ACSM5: variants seen among roughly 807,000 people sequenced by gnomAD.
ACSM5 encodes acyl-CoA synthetase medium chain family member 5.
A neutral mutation model predicts 71.6 loss-of-function variants in ACSM5; 56 were observed. The observed-to-expected ratio is 0.78, with a 90% CI of 0.63 to 0.98. The LOEUF (loss-of-function observed/expected upper bound fraction) is 0.98, where lower values mean the gene tolerates loss of function less well. ACSM5 is among the 50% of genes least tolerant of loss of function. The pLI, the probability that ACSM5 is intolerant of heterozygous loss-of-function variation, is 0.00. For synonymous variants in ACSM5, 285 were observed against 281.5 expected (o/e 1.01, Z -0.12); for missense variants, 723 against 726.0 (o/e 1.00, Z 0.05).
intron 5 of ACSM5, among the ~76,000 whole-genome samples, chr16:20,422,403 C>T (rs1966897331): frequency 6.6e-6 from 1 of 152,208 alleles, no homozygotes; most frequent in South Asian, 2.1e-4. Context: ...AGCCACTGCA[C>T]CTGGCCTCGA....
intron 10 of ACSM5, among the ~76,000 whole-genome samples, chr16:20,434,828 T>C (rs1967162909): frequency 1.3e-5 from 2 of 152,214 alleles, no homozygotes; most frequent in African/African-American, 4.8e-5. Context: ...TTACCATAAG[T>C]CTTCACATGT....
At chr16:20,416,154 C>T (rs1046396140) in intron 2 of ACSM5, among the ~76,000 whole-genome samples, 6 of 151,846 alleles carry the variant, frequency 4.0e-5, no homozygotes, top group African/African-American at 1.5e-4. Flanking sequence ...GATGAAAATA[C>T]ACCCCAAATT....
At position 20,441,292 on chromosome 16, in the gene ACSM5, A is replaced by G. The variant is rs1168559045; in HGVS notation, c.*865A>G. The G allele has an allele frequency of 6.6e-6, 1 of 152,202 alleles. No homozygotes were observed. Among genetic ancestry groups the G allele is most frequent in the Non-Finnish European group, 1.5e-5 (1 of 68,048 alleles). The allele number at this position is 152,202 out of a possible 1,614,324, so 9.4% of individuals were successfully genotyped here. ...CTGTATTTTCCAAGTTTTTGTACGAAGCACATACAACTATTTTAATGAAAA... is the reference window on the plus strand; with the variant it reads ...CTGTATTTTCCAAGTTTTTGTACGAGGCACATACAACTATTTTAATGAAAA... On this transcript the variant is annotated 3_prime_UTR_variant, in exon 14 of 14. Coordinates refer to ENST00000331849, the MANE Select transcript of ACSM5 (RefSeq NM_017888.3).
chr16:20,440,216 T>C (rs1967297852), intron 13 of ACSM5, 128 bp from the exon 14 acceptor site: 1 of 736,702 alleles, frequency 1.4e-6, no homozygotes, highest in South Asian at 1.8e-5. Flanking sequence ...CTTCTGGCCA[T>C]TTAGGGGGAA....
chr16:20,431,267 T>G lies in ACSM5; in HGVS notation c.1254T>G (p.Asn418Lys). Residue 418 changes from asparagine to lysine, a missense_variant, in exon 10 of 14, where the codon AAT becomes AAG. Physicochemically the swap from Asn to Lys is moderately conservative, Grantham distance 94. Transcript: ENST00000331849. The stretch of plus-strand genomic sequence containing the variant: ...TCCTGCCTCCTGGAGAAGAGGGGAA[T>G]GTTGCCGTCCGTATCAGACCCACTC... Reference protein sequence around the residue: ...GNVLPPGEEGNVAVRIRPTRP... With the variant: ...GNVLPPGEEGKVAVRIRPTRP... 1 of 1,614,194 alleles carries G rather than the reference T, an allele frequency of 6.2e-7. No individual in the cohort carries two copies. Among genetic ancestry groups the G allele is most frequent in the Non-Finnish European group, 8.5e-7 (1 of 1,180,036 alleles).
chr16:20,427,739 C>G, intron 6 of ACSM5, 49 bp from the exon 7 acceptor site: 1 of 1,287,116 alleles, frequency 7.8e-7, no homozygotes, highest in Non-Finnish European at 1.1e-6. Flanking sequence ...TCTTCATGGT[C>G]CCACCCCAAT....
Position 20,427,824 on chromosome 16 carries a change from G to A in ACSM5, c.958G>A (p.Val320Ile). 6.2e-7 allele frequency: 1 copy of A among 1,614,002 alleles called. No homozygotes were observed. The highest frequency in any genetic ancestry group is 2.2e-5 in the East Asian group (1 of 44,884). ...SKFPITTLCC[V>I]PTIFRLLVQE... Reference sequence around the variant, plus strand: ...ATTCCCGATAACCACCCTCTGCTGTGTCCCAACCATCTTTCGGCTGCTTGT... The same window carrying A: ...ATTCCCGATAACCACCCTCTGCTGTATCCCAACCATCTTTCGGCTGCTTGT... Residue 320 changes from valine to isoleucine, a missense_variant, in exon 7 of 14, where the codon GTC becomes ATC. Physicochemically the swap from Val to Ile is conservative, Grantham distance 29. Transcript: ENST00000331849.
chr16:20,421,586 G>A (rs1389817576), intron 5 of ACSM5, among the ~76,000 whole-genome samples, 185 bp downstream of exon 5: 2 of 144,994 alleles, frequency 1.4e-5, no homozygotes, highest in African/African-American at 5.1e-5. Flanking sequence ...GAGGTGAAAA[G>A]CCATGGGAGG....
At chr16:20,428,531 C>G (rs929747962) in intron 7 of ACSM5, among the ~76,000 whole-genome samples, 3 of 152,196 alleles carry the variant, frequency 2.0e-5, no homozygotes, top group Non-Finnish European at 4.4e-5. Context: ...TATCCACCAA[C>G]CCTGACCTGT....
chr16:20,424,242 T>C (rs1641065302), intron 6 of ACSM5, among the ~76,000 whole-genome samples, 173 bp downstream of exon 6: 1 of 152,182 alleles, frequency 6.6e-6, no homozygotes, highest in Non-Finnish European at 1.5e-5. Flanking sequence ...CCTTCAATCA[T>C]TGCCTATGCT....
intron 2 of ACSM5, among the ~76,000 whole-genome samples, chr16:20,417,780 A>G (rs1966860010): frequency 6.6e-6 from 1 of 152,218 alleles, no homozygotes; most frequent in Non-Finnish European, 1.5e-5. Context: ...TTAAAAAGAT[A>G]GTAGAAAAAA....
intron 2 of ACSM5, chr16:20,412,297 G>A (rs1417038524): frequency 2.0e-5 from 3 of 153,462 alleles, no homozygotes; most frequent in Non-Finnish European, 4.3e-5. Context: ...AGGTTGCAGT[G>A]AGCCAAGATC....
chr16:20,437,316 T>C lies in ACSM5; in HGVS notation c.1485T>C (p.Pro495=). 7 of 1,614,122 alleles carry C rather than the reference T, an allele frequency of 4.3e-6. No individual in the cohort carries two copies. In the South Asian group the frequency reaches 6.6e-5, roughly 15 times the overall value. The change falls in exon 12 of 14, where the codon CCT becomes CCC. Residue 495 remains proline, a synonymous_variant. Transcript: ENST00000331849. The stretch of plus-strand genomic sequence containing the variant: ...TGGAAAGTGCCCTGGCAGAGCATCC[T>C]GCTGTCCTGGAGTCGGCTGTGGTCA... ...VEVESALAEH[P]AVLESAVVSS...
Position 20,424,084 on chromosome 16 carries a change from C to A in ACSM5, c.921+15C>A. On this transcript the variant is annotated intron_variant, in intron 6 of 13. Transcript: ENST00000331849. ...TTATCCTGAATGTAAGAGGAAAAAC[C>A]AACAATACCCCATATGTGTTGGGTA... 3 of 1,613,558 alleles carry A rather than the reference C, an allele frequency of 1.9e-6. No homozygotes were observed. The highest frequency in any genetic ancestry group is 1.7e-6 in the Non-Finnish European group (2 of 1,179,852).
chr16:20,409,894 CGGG>C (rs1481493702), intron 1 of ACSM5, among the ~76,000 whole-genome samples: 10 of 9,908 alleles, frequency 1.0e-3, no homozygotes, highest in Non-Finnish European at 1.7e-3. Context: ...AGGTGAGGGG[CGGG>C]AGAGGTGAGG....
rs139467418 is a variant in ACSM5 at position 20,429,683 on chromosome 16, A to G, written c.1007A>G (p.Gln336Arg). The G allele has an allele frequency of 2.1e-5, 34 of 1,613,810 alleles. No individual in the cohort carries two copies. The highest frequency in any genetic ancestry group is 2.9e-5 in the Non-Finnish European group (34 of 1,179,940). ...TGTTTTCCTGTCTGAGAAAGGTACCAGTTTCAGAGCCTGAGGCACTGTCTG... is the reference window on the plus strand; with the variant it reads ...TGTTTTCCTGTCTGAGAAAGGTACCGGTTTCAGAGCCTGAGGCACTGTCTG... Reference protein sequence around the residue: ...LLVQEDLTRYQFQSLRHCLTG... With the variant: ...LLVQEDLTRYRFQSLRHCLTG... The change falls in exon 8 of 14, where the codon CAG (glutamine) becomes CGG (arginine). Residue 336 changes from glutamine (Q) to arginine (R), a missense_variant. Gln to Arg is a conservative substitution (Grantham distance 43). Coordinates refer to ENST00000331849, the MANE Select transcript of ACSM5 (RefSeq NM_017888.3).
chr16:20,411,385 C>G (rs1181521371), intron 1 of ACSM5, 85 bp from the exon 2 acceptor site: 1 of 1,106,792 alleles, frequency 9.0e-7, no homozygotes, highest in Non-Finnish European at 1.3e-6. Context: ...ACCATCAGCA[C>G]TAACCACAGG....
intron 10 of ACSM5, among the ~76,000 whole-genome samples, chr16:20,432,969 C>T (rs961739944): frequency 1.5e-4 from 23 of 150,264 alleles, no homozygotes; most frequent in Non-Finnish European, 2.5e-4. Flanking sequence ...GCAACTCTCG[C>T]GCTCCAGTCT....
chr16:20,435,897 C>A (rs1053544862), intron 10 of ACSM5, among the ~76,000 whole-genome samples: 4 of 151,894 alleles, frequency 2.6e-5, no homozygotes, highest in Non-Finnish European at 4.4e-5. Context: ...TTTTGGTGAG[C>A]CCTTCTCCCA....
Sources: gnomAD v4.1 joint callset for allele counts (sites outside exome capture counted in the v4.1 genomes callset) on GRCh38, gnomAD v4.1.1 for gene constraint, MANE v1.5 for transcripts, NCBI Gene and HGNC (gene_info 2026-07-23, HGNC 2026-07-21) for gene names.